L3MBTL4: variants seen among roughly 807,000 people sequenced by gnomAD.
L3MBTL4 encodes the protein lethal(3)malignant brain tumor-like protein 4.
Under a neutral mutation model 84.5 loss-of-function variants are expected in L3MBTL4, and 70 were observed. The ratio of observed to expected loss-of-function variants is 0.83; its 90% CI spans 0.68 to 1.01. The LOEUF (loss-of-function observed/expected upper bound fraction) is 1.01. Ranked by LOEUF, L3MBTL4 falls within the 50% of genes least tolerant of loss-of-function variation. L3MBTL4 has a pLI of 0.00. For synonymous variants in L3MBTL4, 274 were observed against 259.8 expected (o/e 1.05, Z -0.52); for missense variants, 715 against 754.8 (o/e 0.95, Z 0.62).
chr18:5,999,674 T>G (rs1239783983), intron 16 of L3MBTL4, among the ~76,000 whole-genome samples: 1 of 152,112 alleles, frequency 6.6e-6, no homozygotes, highest in Non-Finnish European at 1.5e-5. Context: ...AGAAGGCAGA[T>G]AAATTCCCTA....
At chr18:6,034,012 C>T (rs1022339839) in intron 16 of L3MBTL4, among the ~76,000 whole-genome samples, 2 of 152,142 alleles carry the variant, frequency 1.3e-5, no homozygotes, top group African/African-American at 2.4e-5. Flanking sequence ...CTTCACATGG[C>T]TTTGAATCAC....
intron 16 of L3MBTL4, among the ~76,000 whole-genome samples, chr18:6,039,452 A>T (rs567496159): frequency 6.6e-4 from 100 of 152,334 alleles, no homozygotes; most frequent in African/African-American, 2.4e-3. Flanking sequence ...TGTGCTAAAG[A>T]AAAGAGCCTT....
intron 10 of L3MBTL4, among the ~76,000 whole-genome samples, chr18:6,221,850 A>G (rs909678081): frequency 1.3e-5 from 2 of 152,204 alleles, no homozygotes; most frequent in Non-Finnish European, 2.9e-5. Flanking sequence ...CCGGGCCTCC[A>G]ATGATAGAGA....
At chr18:6,217,021 C>T (rs1384150119) in intron 10 of L3MBTL4, among the ~76,000 whole-genome samples, 1 of 152,138 alleles carries the variant, frequency 6.6e-6, no homozygotes, top group East Asian at 1.9e-4. Flanking sequence ...ATGCAAAAAT[C>T]TGTCCTTTAA....
At chr18:6,086,576 C>T (rs2058266957) in intron 15 of L3MBTL4, among the ~76,000 whole-genome samples, 1 of 152,122 alleles carries the variant, frequency 6.6e-6, no homozygotes, top group Admixed American at 6.5e-5. Context: ...CCATCTCATC[C>T]CAGATCCTCT....
At chr18:6,153,875 C>T (rs2042992956) in intron 13 of L3MBTL4, among the ~76,000 whole-genome samples, 1 of 152,164 alleles carries the variant, frequency 6.6e-6, no homozygotes, top group Non-Finnish European at 1.5e-5. Flanking sequence ...CCTCCTCAGC[C>T]ATGCAGAACT....
intron 5 of L3MBTL4, among the ~76,000 whole-genome samples, chr18:6,262,323 G>A (rs1392412883): frequency 2.6e-5 from 4 of 152,132 alleles, no homozygotes; most frequent in Admixed American, 6.5e-5. Flanking sequence ...ACTCAGAAGC[G>A]AGAAGAGTTT....
chr18:5,973,577 T>C (rs914334497), intron 16 of L3MBTL4, among the ~76,000 whole-genome samples: 5 of 152,212 alleles, frequency 3.3e-5, no homozygotes, highest in African/African-American at 1.2e-4. Flanking sequence ...TCACATCAGA[T>C]ACTCACTAAA....
chr18:5,990,768 T>TGG (rs1226524335), intron 16 of L3MBTL4, among the ~76,000 whole-genome samples: 26 of 127,012 alleles, frequency 2.0e-4, no homozygotes, highest in African/African-American at 6.9e-4. Context: ...AGGGTTCATG[T>TGG]GGGTGTGTGT....
chr18:5,956,358 C>G lies in L3MBTL4; in HGVS notation c.1707G>C (p.Leu569=). ...TCACTTTGACAATGTCCGTCTGTGT[C>G]AGAAGCAGGAAGGCTTTGCCATCGA... The part of the protein sequence containing the change: ...EQIDGKAFLL[L]TQTDIVKVMK... Residue 569 remains leucine, a synonymous_variant, in exon 19 of 19, where the codon CTG becomes CTC. Coordinates refer to ENST00000317931, the MANE Select transcript of L3MBTL4 (RefSeq NM_001330559.2). 1 of 1,614,110 alleles carries G rather than the reference C, an allele frequency of 6.2e-7. No individual in the cohort carries two copies. The highest frequency in any genetic ancestry group is 8.5e-7 in the Non-Finnish European group (1 of 1,180,004).
intron 4 of L3MBTL4, among the ~76,000 whole-genome samples, chr18:6,296,993 T>C (rs903594891): frequency 6.6e-6 from 1 of 152,070 alleles, no homozygotes; most frequent in African/African-American, 2.4e-5. Context: ...GGAACAAAAG[T>C]GAGTTCGGTT....
intron 16 of L3MBTL4, among the ~76,000 whole-genome samples, chr18:6,011,453 G>A (rs1008973247): frequency 6.6e-5 from 10 of 152,160 alleles, no homozygotes; most frequent in Admixed American, 2.0e-4. Context: ...GAAAATTAGG[G>A]GAGGGGACAG....
chr18:6,284,971 G>A (rs1034315908), intron 4 of L3MBTL4, among the ~76,000 whole-genome samples: 2 of 152,240 alleles, frequency 1.3e-5, no homozygotes, highest in African/African-American at 2.4e-5. Flanking sequence ...TGGCATGGGC[G>A]GGGGCGGGAA....
intron 4 of L3MBTL4, among the ~76,000 whole-genome samples, chr18:6,271,534 G>A (rs2048869639): frequency 6.6e-6 from 1 of 152,220 alleles, no homozygotes; most frequent in Non-Finnish European, 1.5e-5. Flanking sequence ...CGCAGAACGC[G>A]GAGGAAAGTG....
chr18:6,149,582 T>C (rs1052478085), intron 13 of L3MBTL4, among the ~76,000 whole-genome samples: 1 of 152,070 alleles, frequency 6.6e-6, no homozygotes, highest in African/African-American at 2.4e-5. Context: ...GATGACTGGG[T>C]CAAATGGTAT....
chr18:6,224,861 TA>T (rs2046709582), intron 10 of L3MBTL4, among the ~76,000 whole-genome samples: 1 of 150,362 alleles, frequency 6.7e-6, no homozygotes, highest in Non-Finnish European at 1.5e-5. Flanking sequence ...CATCAAAGTA[TA>T]ACTAAGATGA....
At chr18:6,057,501 C>A (rs1279703215) in intron 16 of L3MBTL4, among the ~76,000 whole-genome samples, 2 of 152,132 alleles carry the variant, frequency 1.3e-5, no homozygotes, top group Non-Finnish European at 2.9e-5. Context: ...CAGGAAACTT[C>A]TCTCTCTGTT....
intron 15 of L3MBTL4, among the ~76,000 whole-genome samples, chr18:6,085,588 TG>T (rs1231308275): frequency 6.6e-6 from 1 of 152,148 alleles, no homozygotes; most frequent in African/African-American, 2.4e-5. Context: ...TAAGATCTGA[TG>T]GTTTTATTAG....
At position 6,030,499 on chromosome 18, in the gene L3MBTL4, CTCT is replaced by C. The variant is rs540410262; in HGVS notation, c.1444+50379_1444+50381del. The stretch of plus-strand genomic sequence containing the variant: ...TATTAGGTTTATTTTAATGAAGAGA[CTCT>C]TTTTTTTTTTTTTGGAGAAGGAGTC... On this transcript the variant is annotated intron_variant, in intron 16 of 18. Coordinates refer to ENST00000317931, the MANE Select transcript of L3MBTL4 (RefSeq NM_001330559.2). 1.6e-4 allele frequency: 150 copies of C among 929,112 alleles called. No individual in the cohort carries two copies. In the African/African-American group the frequency reaches 2.7e-3, roughly 17 times the overall value. The allele number at this position is 929,112 out of a possible 1,614,324, so 57.6% of individuals were successfully genotyped here.
Sources: gnomAD v4.1 joint callset for allele counts (sites outside exome capture counted in the v4.1 genomes callset) on GRCh38, gnomAD v4.1.1 for gene constraint, MANE v1.5 for transcripts, NCBI Gene and HGNC (gene_info 2026-07-23, HGNC 2026-07-21) for gene names.